Variants in PTPRD observed in about 807,000 individuals in gnomAD.
The protein encoded by PTPRD is protein tyrosine phosphatase receptor type D.
In PTPRD, 34 loss-of-function variants were observed where a neutral mutation model predicts 214.5. The ratio of observed to expected loss-of-function variants is 0.16; its 90% CI spans 0.12 to 0.21. PTPRD has a LOEUF of 0.21. PTPRD is among the 10% of genes least tolerant of loss of function. The pLI is 1.00. For synonymous variants in PTPRD, 1,128 were observed against 845.7 expected, an observed-to-expected ratio of 1.33 and a Z score of -5.79; for missense variants, 2,545 against 2,398.7, an observed-to-expected ratio of 1.06 and a Z score of -1.27.
chr9:9,052,722 G>A (rs540278024), intron 10 of PTPRD, among the ~76,000 whole-genome samples: 1 of 152,292 alleles, frequency 6.6e-6, no homozygotes, highest in South Asian at 2.1e-4. Context: ...GTCCACATAA[G>A]TACAAAGCTG....
chr9:10,469,094 C>T (rs992599908), intron 2 of PTPRD, among the ~76,000 whole-genome samples: 4 of 152,238 alleles, frequency 2.6e-5, no homozygotes, highest in African/African-American at 4.8e-5. Context: ...GTCTACTACT[C>T]ATGCCTTTAT....
intron 2 of PTPRD, among the ~76,000 whole-genome samples, chr9:10,461,821 C>T (rs910448019): frequency 7.9e-5 from 12 of 152,128 alleles, no homozygotes; most frequent in African/African-American, 2.9e-4. Flanking sequence ...GGGGTTTAAC[C>T]ATGTTGGCCA....
At chr9:8,452,132 T>C (rs189580820) in intron 33 of PTPRD, among the ~76,000 whole-genome samples, 2 of 152,346 alleles carry the variant, frequency 1.3e-5, no homozygotes, top group Admixed American at 6.5e-5. Flanking sequence ...TGACATTTAA[T>C]AACTAACTTC....
intron 2 of PTPRD, among the ~76,000 whole-genome samples, chr9:10,547,390 G>C (rs1041747254): frequency 3.3e-5 from 5 of 151,560 alleles, no homozygotes; most frequent in Non-Finnish European, 5.9e-5. Flanking sequence ...ACCAAAACTT[G>C]ACCTCCAGTA....
At chr9:8,594,988 G>C (rs1219342613) in intron 14 of PTPRD, among the ~76,000 whole-genome samples, 1 of 149,098 alleles carries the variant, frequency 6.7e-6, no homozygotes, top group Non-Finnish European at 1.5e-5. Flanking sequence ...TCAGACTCCT[G>C]AGTAGCTGGA....
chr9:10,035,210 C>CT (rs1252754775), intron 3 of PTPRD, among the ~76,000 whole-genome samples: 1 of 152,002 alleles, frequency 6.6e-6, no homozygotes, highest in Non-Finnish European at 1.5e-5. Context: ...CAATGATGAG[C>CT]TTTTTTTCAA....
chr9:9,023,509 TA>T (rs2099576440), intron 10 of PTPRD, among the ~76,000 whole-genome samples: 1 of 152,114 alleles, frequency 6.6e-6, no homozygotes, highest in Admixed American at 6.6e-5. Flanking sequence ...TCCATTCTTC[TA>T]TTTACACTTA....
chr9:9,946,411 C>A (rs983849694), intron 4 of PTPRD, among the ~76,000 whole-genome samples: 4 of 152,024 alleles, frequency 2.6e-5, no homozygotes, highest in Non-Finnish European at 1.5e-5. Context: ...AGAGGTTATA[C>A]GTTAAATTGT....
At chr9:8,563,907 C>T (rs957028392) in intron 14 of PTPRD, among the ~76,000 whole-genome samples, 2 of 152,242 alleles carry the variant, frequency 1.3e-5, no homozygotes, top group African/African-American at 4.8e-5. Flanking sequence ...TCAAGTGAAT[C>T]TGCCTGACTT....
chr9:9,771,578 C>T (rs556351655), intron 5 of PTPRD, among the ~76,000 whole-genome samples: 34 of 152,156 alleles, frequency 2.2e-4, no homozygotes, highest in Non-Finnish European at 4.7e-4. Context: ...TCCACATCAC[C>T]TTATTTAAAT....
At chr9:9,057,553 T>TG (rs2099698652) in intron 10 of PTPRD, among the ~76,000 whole-genome samples, 2 of 152,162 alleles carry the variant, frequency 1.3e-5, no homozygotes, top group Non-Finnish European at 2.9e-5. Flanking sequence ...CCTAAGGATT[T>TG]TTTGTTAAAT....
intron 11 of PTPRD, among the ~76,000 whole-genome samples, chr9:9,012,396 A>C (rs1409895814): frequency 6.6e-6 from 1 of 152,156 alleles, no homozygotes; most frequent in Non-Finnish European, 1.5e-5. Context: ...AACCTGCCCA[A>C]TACGTACTTA....
At chr9:8,413,246 A>G (rs185383215) in intron 35 of PTPRD, among the ~76,000 whole-genome samples, 1 of 152,254 alleles carries the variant, frequency 6.6e-6, no homozygotes, top group African/African-American at 2.4e-5. Context: ...TTCTTTATTA[A>G]GTCTTTGTTT....
At chr9:10,234,134 A>G (rs2099621412) in intron 3 of PTPRD, among the ~76,000 whole-genome samples, 1 of 151,812 alleles carries the variant, frequency 6.6e-6, no homozygotes, top group Non-Finnish European at 1.5e-5. Context: ...TACACCTGTA[A>G]TCACAGCTAC....
chr9:10,273,026 T>G (rs1289429975), intron 3 of PTPRD, among the ~76,000 whole-genome samples: 1 of 152,186 alleles, frequency 6.6e-6, no homozygotes, highest in Non-Finnish European at 1.5e-5. Flanking sequence ...AAAAATTGGC[T>G]TTTCCCAGAA....
At chr9:10,366,678 G>A (rs1479835718) in intron 2 of PTPRD, among the ~76,000 whole-genome samples, 1 of 152,102 alleles carries the variant, frequency 6.6e-6, no homozygotes, top group Non-Finnish European at 1.5e-5. Flanking sequence ...GTAGATGAGT[G>A]ATGTAATGAA....
chr9:8,316,606 C>T lies in PTPRD; in HGVS notation c.*1268G>A, dbSNP rs982143052. On this transcript the variant is annotated 3_prime_UTR_variant, in exon 46 of 46. Transcript: ENST00000381196. ...GCACTGACCTTTCCCACATGCACAC[C>T]TCTTAGCTATTTAATAATAATTTTT... 1.3e-5 allele frequency: 3 copies of T among 230,860 alleles called. No individual in the cohort carries two copies. Among genetic ancestry groups the T allele is most frequent in the Admixed American group, 5.7e-5 (1 of 17,666 alleles). The allele number at this position is 230,860 out of a possible 1,614,324, so 14.3% of individuals were successfully genotyped here.
At chr9:8,554,718 C>A (rs1417347453) in intron 14 of PTPRD, among the ~76,000 whole-genome samples, 4 of 152,192 alleles carry the variant, frequency 2.6e-5, no homozygotes, top group Non-Finnish European at 4.4e-5. Flanking sequence ...AGAATTCATT[C>A]ACTGTCCAAC....
chr9:8,652,720 T>C (rs975989993), intron 12 of PTPRD, among the ~76,000 whole-genome samples: 1 of 152,130 alleles, frequency 6.6e-6, no homozygotes. Context: ...AGTACTTGAG[T>C]GTTAGATACA....
Sources: gnomAD v4.1 joint callset for allele counts (sites outside exome capture counted in the v4.1 genomes callset) on GRCh38, gnomAD v4.1.1 for gene constraint, MANE v1.5 for transcripts, NCBI Gene and HGNC (gene_info 2026-07-23, HGNC 2026-07-21) for gene names.